The following PTPRT variants were observed in gnomAD, a reference collection of about 807,000 sequenced individuals.
PTPRT encodes protein tyrosine phosphatase receptor type T.
In PTPRT, 56 loss-of-function variants were observed where a neutral mutation model predicts 176.8. The ratio of observed to expected loss-of-function variants is 0.32; its 90% confidence interval spans 0.26 to 0.40. The LOEUF is 0.40. Ranked by LOEUF, PTPRT falls within the 10% of genes least tolerant of loss-of-function variation. The pLI, the probability that PTPRT is intolerant of heterozygous loss-of-function variation, is 1.00. For synonymous variants in PTPRT, 783 were observed against 739.0 expected (o/e 1.06, Z -0.96); for missense variants, 1,540 against 1,908.2 (o/e 0.81, Z 3.60).
chr20:42,826,602 T>C (rs2077998287), intron 2 of PTPRT, among the ~76,000 whole-genome samples: 1 of 152,166 alleles, frequency 6.6e-6, no homozygotes, highest in African/African-American at 2.4e-5. Context: ...TCTCTTCTTA[T>C]CAGTTTCATA....
At chr20:42,681,905 C>CA (rs1420135125) in intron 6 of PTPRT, among the ~76,000 whole-genome samples, 2 of 152,020 alleles carry the variant, frequency 1.3e-5, no homozygotes, top group Non-Finnish European at 2.9e-5. Context: ...GAGTAAATCT[C>CA]AAAAAAATTC....
intron 1 of PTPRT, among the ~76,000 whole-genome samples, chr20:43,015,582 C>A (rs1985327760): frequency 6.6e-6 from 1 of 152,210 alleles, no homozygotes; most frequent in South Asian, 2.1e-4. Flanking sequence ...CATACACACA[C>A]ATGTGCCCTC....
chr20:42,520,904 C>T (rs1267517133), intron 7 of PTPRT, among the ~76,000 whole-genome samples: 1 of 150,672 alleles, frequency 6.6e-6, no homozygotes, highest in Admixed American at 6.6e-5. Context: ...CATGCCTAAA[C>T]ACAAACCCAT....
At chr20:42,778,169 G>C (rs201033150) in intron 4 of PTPRT, among the ~76,000 whole-genome samples, 3 of 152,168 alleles carry the variant, frequency 2.0e-5, no homozygotes, top group East Asian at 3.9e-4. Context: ...TGAGACTTTG[G>C]GGGGTGGAAA....
intron 7 of PTPRT, among the ~76,000 whole-genome samples, chr20:42,508,163 T>G: frequency 7.6e-6 from 1 of 131,492 alleles, no homozygotes; most frequent in African/African-American, 4.0e-5. Context: ...TATATTAACA[T>G]CTTTCCATTT....
At chr20:42,543,129 A>T (rs2072613295) in intron 7 of PTPRT, among the ~76,000 whole-genome samples, 1 of 152,188 alleles carries the variant, frequency 6.6e-6, no homozygotes, top group Non-Finnish European at 1.5e-5. Context: ...ATAAAACAAC[A>T]GTGAAGTTTG....
rs141725056 is a variant in PTPRT, at chr20:42,879,445, G to A, written c.214+6362C>T. 4.3e-3 allele frequency among the ~76,000 whole-genome samples: 648 copies of A among 152,230 alleles called. 6 individuals are homozygous for A. Among genetic ancestry groups the A allele is most frequent in the African/African-American group, 0.015 (610 of 41,536 alleles). On this transcript the variant is annotated intron_variant, in intron 2 of 30. Coordinates refer to ENST00000373187, the MANE Select transcript of PTPRT (RefSeq NM_007050.6). ...GTATGTATCTTTGCCTCCACGAGTC[G>A]TATTGGGTTAGAACCCAATATGACC...
chr20:42,220,526 T>C (rs937612166), intron 15 of PTPRT, among the ~76,000 whole-genome samples: 2 of 151,620 alleles, frequency 1.3e-5, no homozygotes, highest in African/African-American at 4.9e-5. Flanking sequence ...CTGGGCAACA[T>C]AGTGACACCC....
chr20:42,212,019 A>T (rs184055573), intron 15 of PTPRT, among the ~76,000 whole-genome samples: 853 of 77,066 alleles, frequency 0.011, 12 homozygotes, highest in African/African-American at 0.029. Flanking sequence ...AAACTGGAAA[A>T]CATCATTCTC....
intron 8 of PTPRT, among the ~76,000 whole-genome samples, chr20:42,461,871 G>T (rs938160940): frequency 2.0e-5 from 3 of 146,838 alleles, no homozygotes; most frequent in South Asian, 2.2e-4. Context: ...GGTGTTTCTG[G>T]GTTTTTTTTT....
chr20:42,372,447 C>T (rs1263445476), intron 9 of PTPRT, among the ~76,000 whole-genome samples: 2 of 151,828 alleles, frequency 1.3e-5, no homozygotes, highest in Non-Finnish European at 2.9e-5. Context: ...CCATGCCTAG[C>T]TAAATTTGTA....
At chr20:42,213,718 T>A (rs1338666943) in intron 15 of PTPRT, among the ~76,000 whole-genome samples, 1 of 151,988 alleles carries the variant, frequency 6.6e-6, no homozygotes, top group Non-Finnish European at 1.5e-5. Flanking sequence ...TGATGAGCCA[T>A]AAGCCAAGGA....
At chr20:42,688,817 T>C (rs751851548) in intron 6 of PTPRT, among the ~76,000 whole-genome samples, 34 of 152,172 alleles carry the variant, frequency 2.2e-4, no homozygotes, top group African/African-American at 8.2e-4. Flanking sequence ...GGCTGGGAGA[T>C]ATCATATTCT....
At chr20:42,178,570 C>G (rs934077355) in intron 16 of PTPRT, among the ~76,000 whole-genome samples, 2 of 152,100 alleles carry the variant, frequency 1.3e-5, no homozygotes, top group African/African-American at 4.8e-5. Context: ...GACAAACTAC[C>G]CCCAACCACA....
At chr20:42,706,479 T>C (rs1212110948) in intron 6 of PTPRT, among the ~76,000 whole-genome samples, 1 of 152,144 alleles carries the variant, frequency 6.6e-6, no homozygotes, top group African/African-American at 2.4e-5. Flanking sequence ...ACTTGCTGCA[T>C]TAAAGTATTT....
At chr20:43,158,996 T>C (rs2014606957) in intron 1 of PTPRT, among the ~76,000 whole-genome samples, 1 of 152,216 alleles carries the variant, frequency 6.6e-6, no homozygotes, top group South Asian at 2.1e-4. Flanking sequence ...TATTAGCATT[T>C]GACTTAAGAT....
chr20:42,960,531 C>T (rs184903769), intron 1 of PTPRT, among the ~76,000 whole-genome samples: 99 of 152,292 alleles, frequency 6.5e-4, no homozygotes, highest in African/African-American at 2.1e-3. Flanking sequence ...TCAAGGGATA[C>T]AAACATTAGA....
At chr20:42,520,671 T>C (rs1235270525) in intron 7 of PTPRT, among the ~76,000 whole-genome samples, 1 of 152,070 alleles carries the variant, frequency 6.6e-6, no homozygotes, top group Admixed American at 6.6e-5. Flanking sequence ...AGATGAACTA[T>C]TTATCTAAGG....
At chr20:42,433,105 G>A (rs1233845859) in intron 9 of PTPRT, among the ~76,000 whole-genome samples, 1 of 152,134 alleles carries the variant, frequency 6.6e-6, no homozygotes, top group Non-Finnish European at 1.5e-5. Context: ...TTAATCTACT[G>A]GCAAATGGAA....
Sources: gnomAD v4.1 joint callset for allele counts (sites outside exome capture counted in the v4.1 genomes callset) on GRCh38, gnomAD v4.1.1 for gene constraint, MANE v1.5 for transcripts, NCBI Gene and HGNC (gene_info 2026-07-23, HGNC 2026-07-21) for gene names.